The following BAZ2A variants were observed in gnomAD, a reference collection of about 807,000 sequenced individuals.
BAZ2A encodes bromodomain adjacent to zinc finger domain protein 2A.
BAZ2A carries 34 observed loss-of-function variants against 199.9 expected under a neutral mutation model. The observed-to-expected ratio is 0.17, with a 90% CI of 0.13 to 0.23. The LOEUF (loss-of-function observed/expected upper bound fraction) is 0.23. BAZ2A is among the 10% of genes least tolerant of loss of function. The pLI, the probability that BAZ2A is intolerant of heterozygous loss-of-function variation, is 1.00. For synonymous variants in BAZ2A, 857 were observed against 883.9 expected (o/e 0.97, Z 0.54); for missense variants, 2,002 against 2,391.1 (o/e 0.84, Z 3.39).
Position 56,614,136 on chromosome 12 carries a change from G to A in BAZ2A, c.733C>T (p.Leu245=). 6.2e-7 allele frequency: 1 copy of A among 1,613,216 alleles called. No homozygotes were observed. Among genetic ancestry groups the A allele is most frequent in the Non-Finnish European group, 8.5e-7 (1 of 1,179,262 alleles). The part of the protein sequence containing the change: ...SLELEEEQPE[L]KMCGYNGSVP... ...GAGCCATTGTAGCCACACATCTTCA[G>A]TTCTAGGAAATCACAGGAGAGACCA... Residue 245 remains leucine, a splice_region_variant and synonymous_variant, in exon 4 of 29, where the codon CTG becomes TTG. Coordinates refer to ENST00000549884, the MANE Select transcript of BAZ2A (RefSeq NM_001300905.2).
chr12:56,604,377 G>C, intron 15 of BAZ2A, 86 bp from the exon 16 acceptor site: 1 of 1,432,810 alleles, frequency 7.0e-7, no homozygotes, highest in Non-Finnish European at 9.6e-7. Context: ...AGCTGAAAAA[G>C]GAGTTCCAGC....
At chr12:56,631,888 A>C (rs2137455035), upstream of BAZ2A, among the ~76,000 whole-genome samples, 1 of 152,164 alleles carries the variant, frequency 6.6e-6, no homozygotes, top group East Asian at 1.9e-4. Context: ...AATTTTGGGG[A>C]AAGACTCCAC....
At chr12:56,606,106 A>G in intron 12 of BAZ2A, 43 bp from the exon 13 acceptor site, 1 of 1,551,146 alleles carries the variant, frequency 6.4e-7, no homozygotes. Context: ...TAAAGATATC[A>G]GTCACTATCC....
rs1302780179 is a variant in BAZ2A, at chr12:56,630,021, C to G, written c.-3+104G>C. On this transcript the variant is annotated intron_variant, in intron 1 of 28. Coordinates refer to ENST00000549884, the MANE Select transcript of BAZ2A (RefSeq NM_001300905.2). The stretch of plus-strand genomic sequence containing the variant: ...ATAAGCTCCCGTCGGCTTCCCGCCC[C>G]GGCAAGGCTCAAGCCGGCTCTGGAG... 15 of 843,684 alleles carry G rather than the reference C, an allele frequency of 1.8e-5. No individual in the cohort carries two copies. The African/African-American group carries it at 2.8e-4, about 16-fold the overall frequency. 52.3% of individuals were successfully genotyped at this position (843,684 alleles called of 1,614,324 possible). A position where few individuals can be genotyped will look rare whatever the true frequency, so the allele number is the denominator to read the frequency against.
At chr12:56,626,712 A>G (rs2137319846) in intron 1 of BAZ2A, among the ~76,000 whole-genome samples, 1 of 152,356 alleles carries the variant, frequency 6.6e-6, no homozygotes, top group Middle Eastern at 3.4e-3. Context: ...TATTTTCTCA[A>G]AATCAGCTTT....
chr12:56,637,456 T>TTATG (rs530348129), upstream of BAZ2A, among the ~76,000 whole-genome samples: 267 of 152,336 alleles, frequency 1.8e-3, no homozygotes, highest in African/African-American at 6.4e-3. Context: ...GGACTAGGCC[T>TTATG]TATGGTATTA....
At position 56,597,571 on chromosome 12, in the gene BAZ2A, CACACACACACAGCGCGCGCTCTGAGGCTG is replaced by C. The variant is rs201469429; in HGVS notation, c.*1018_*1046del. ...ACAGGGTCACAAGCACGCACACACA[CACACACACACAGCGCGCGCTCTGAGGCTG>C]ACACACACACACACACACACAGCGC... On this transcript the variant is annotated 3_prime_UTR_variant, in exon 29 of 29. Coordinates refer to ENST00000549884, the MANE Select transcript of BAZ2A (RefSeq NM_001300905.2). 4.8e-3 allele frequency: 685 copies of C among 142,710 alleles called. 10 individuals carry two copies. The highest frequency in any genetic ancestry group is 0.017 in the African/African-American group (623 of 37,626). 8.8% of individuals were successfully genotyped at this position (142,710 alleles called of 1,614,324 possible).
In BAZ2A at chr12:56,611,561, T is replaced by C. The variant is rs1400286186; in HGVS notation, c.1670+12A>G. The C allele has an allele frequency of 8.7e-6, 14 of 1,609,062 alleles. No homozygotes were observed. Among genetic ancestry groups the C allele is most frequent in the Non-Finnish European group, 1.2e-5 (14 of 1,175,582 alleles). On this transcript the variant is annotated intron_variant, in intron 7 of 28. Coordinates refer to ENST00000549884, the MANE Select transcript of BAZ2A (RefSeq NM_001300905.2). ...GTCAAGGTCAATAAATGTAGCAAACTAGAGCATTTACCCATGTTGGAGGGG... is the reference window on the plus strand; with the variant it reads ...GTCAAGGTCAATAAATGTAGCAAACCAGAGCATTTACCCATGTTGGAGGGG...
intron 1 of BAZ2A, among the ~76,000 whole-genome samples, chr12:56,619,360 G>A (rs1592607068): frequency 6.7e-6 from 1 of 149,478 alleles, no homozygotes; most frequent in Non-Finnish European, 1.5e-5. Context: ...AAAAAAAAAG[G>A]AGCAGGGTGT....
chr12:56,604,126 A>G, intron 16 of BAZ2A, 91 bp downstream of exon 16: 4 of 1,265,756 alleles, frequency 3.2e-6, no homozygotes, highest in Non-Finnish European at 3.4e-6. Flanking sequence ...GGAAGGGGCT[A>G]AAGCATCACA....
intron 2 of BAZ2A, among the ~76,000 whole-genome samples, chr12:56,617,142 C>A (rs548754462): frequency 6.6e-6 from 1 of 152,238 alleles, no homozygotes; most frequent in South Asian, 2.1e-4. Flanking sequence ...CAGCAGTAGC[C>A]ACTTCACTGC....
At position 56,600,846 on chromosome 12, in the gene BAZ2A, T is replaced by C; in HGVS notation, c.4451-14A>G. ...CAAAGATGGGGTCTGAGAAGAGAGG[T>C]GGCAGAGGGAGAGGCCCATCAGGCT... On this transcript the variant is annotated splice_polypyrimidine_tract_variant and intron_variant, in intron 22 of 28. Transcript: ENST00000549884. 6.2e-7 allele frequency: 1 copy of C among 1,612,892 alleles called. No homozygotes were observed. Among genetic ancestry groups the C allele is most frequent in the Non-Finnish European group, 8.5e-7 (1 of 1,179,316 alleles).
intron 1 of BAZ2A, among the ~76,000 whole-genome samples, chr12:56,618,233 A>C (rs1950786990): frequency 6.6e-6 from 1 of 152,188 alleles, no homozygotes; most frequent in South Asian, 2.1e-4. Flanking sequence ...AGGGTATCCC[A>C]AAAAATATTA....
upstream of BAZ2A, among the ~76,000 whole-genome samples, chr12:56,632,074 T>C (rs1178108974): frequency 2.0e-5 from 3 of 151,690 alleles, no homozygotes; most frequent in Admixed American, 6.6e-5. Context: ...AAAACCCTTC[T>C]CTCCTCCCTG....
rs753670083 is a variant in BAZ2A, at chr12:56,603,627, G to A, written c.3112C>T (p.Arg1038Trp). 5.8e-5 allele frequency: 93 copies of A among 1,613,784 alleles called. No individual in the cohort carries two copies. The highest frequency in any genetic ancestry group is 1.9e-4 in the South Asian group (17 of 91,084). Residue 1038 changes from arginine to tryptophan, a missense_variant, in exon 17 of 29, where the codon CGG (arginine) becomes TGG (tryptophan). This residue lies in a region of BAZ2A where 1,081 missense variants were observed against 1,274.7 expected (regional missense o/e 0.85). Coordinates refer to ENST00000549884, the MANE Select transcript of BAZ2A (RefSeq NM_001300905.2). ...TCCATGATCCGAGAACTGCGCCTCC[G>A]TCCCAGGCATTCCTCTGGCCCTTCC... ...EMEGPEECLG[R>W]RRSSRIMEET...
At position 56,596,785 on chromosome 12, in the gene BAZ2A, ATAAAAT is replaced by A. The variant is rs1047771835; in HGVS notation, c.*1827_*1832del. ...TCTTAAAAGCAAAAAAAAATCTCAA[ATAAAAT>A]TAAAAGTTTTGAGGTTTATCTGACA... On this transcript the variant is annotated 3_prime_UTR_variant, in exon 29 of 29. Coordinates refer to ENST00000549884, the MANE Select transcript of BAZ2A (RefSeq NM_001300905.2). 4.6e-5 allele frequency: 7 copies of A among 152,502 alleles called. No individual in the cohort carries two copies. The highest frequency in any genetic ancestry group is 1.7e-4 in the African/African-American group (7 of 41,446). 9.4% of individuals were successfully genotyped at this position (152,502 alleles called of 1,614,324 possible).
chr12:56,610,401 T>A lies in BAZ2A; in HGVS notation c.1779+8A>T, dbSNP rs1258553112. 2 of 1,612,954 alleles carry A rather than the reference T, an allele frequency of 1.2e-6. No individual in the cohort carries two copies. Among genetic ancestry groups the A allele is most frequent in the Admixed American group, 1.7e-5 (1 of 59,832 alleles). On this transcript the variant is annotated splice_region_variant and intron_variant, in intron 8 of 28. Coordinates refer to ENST00000549884, the MANE Select transcript of BAZ2A (RefSeq NM_001300905.2). ...AAGAAAGCAGTCCTTTAAAAAAAGC[T>A]ACATTACCTTGATCACTTCTGGAAA...
chr12:56,630,781 TC>T (rs1951288189), upstream of BAZ2A: 1 of 985,476 alleles, frequency 1.0e-6, no homozygotes, highest in South Asian at 4.7e-5. Context: ...CTCACCTCTG[TC>T]CCTTCAGTGC....
rs765039594 is a variant in BAZ2A, at chr12:56,604,182, CCTCT to C, written c.3038+31_3038+34del. On this transcript the variant is annotated intron_variant, in intron 16 of 28. Transcript: ENST00000549884. ...TATGCTTCACCCGCCCCACTTCTCTCCTCTCTGAGGCTCTACTCTCTGTCTGGTC... is the reference window on the plus strand; with the variant it reads ...TATGCTTCACCCGCCCCACTTCTCTCCTGAGGCTCTACTCTCTGTCTGGTC... 2.5e-6 allele frequency: 4 copies of C among 1,569,670 alleles called. No individual in the cohort carries two copies. In the African/African-American group the frequency reaches 5.4e-5, roughly 21 times the overall value.
Sources: allele counts gnomAD v4.1 joint callset (sites outside exome capture counted in the v4.1 genomes callset), GRCh38; gene constraint gnomAD v4.1.1; regional missense constraint gnomAD v4.1.1; transcripts MANE v1.5; gene names NCBI Gene and HGNC (gene_info 2026-07-23, HGNC 2026-07-21).